TAF3: variants seen among roughly 807,000 people sequenced by gnomAD.
TAF3 encodes the protein transcription initiation factor TFIID subunit 3.
Under a neutral mutation model 80.6 loss-of-function variants are expected in TAF3, and 7 were observed. The observed-to-expected ratio is 0.09, with a 90% CI of 0.05 to 0.16. TAF3 has a LOEUF of 0.16. TAF3 is among the 10% of genes least tolerant of loss of function. TAF3 has a pLI of 1.00. For missense variants in TAF3, 921 were observed against 1,140.2 expected (o/e 0.81, Z 2.77); for synonymous variants, 444 against 446.1 (o/e 1.00, Z 0.06).
chr10:7,881,542 G>T (rs543724963), intron 2 of TAF3, among the ~76,000 whole-genome samples: 2 of 151,244 alleles, frequency 1.3e-5, no homozygotes, highest in South Asian at 4.2e-4. Context: ...ATAAAATTTA[G>T]CAATGAAGCT....
chr10:7,879,019 C>T (rs193251826), intron 2 of TAF3, among the ~76,000 whole-genome samples: 72 of 152,156 alleles, frequency 4.7e-4, no homozygotes, highest in Admixed American at 4.4e-3. Flanking sequence ...TAAGTCACCG[C>T]GCCTGGCAAA....
At chr10:7,965,863 AT>A in intron 3 of TAF3, 121 bp downstream of exon 3, 1 of 1,347,436 alleles carries the variant, frequency 7.4e-7, no homozygotes, top group Non-Finnish European at 9.7e-7. Flanking sequence ...AAGTGGAAAT[AT>A]GTTTATAATG....
In TAF3 at chr10:8,008,152, A is replaced by G. The variant is rs898780859; in HGVS notation, c.2316-926A>G. 8.6e-5 allele frequency among the ~76,000 whole-genome samples: 12 copies of G among 139,920 alleles called. No individual in the cohort carries two copies. The East Asian group carries it at 2.3e-3, about 27-fold the overall frequency. 91.8% of individuals were successfully genotyped at this position (139,920 alleles called of 152,430 possible). On this transcript the variant is annotated intron_variant, in intron 4 of 6. Transcript: ENST00000344293. The stretch of plus-strand genomic sequence containing the variant: ...CACTCTGTAGCCCAAGCTAGAGTGC[A>G]GTGGCGAGATCTCGGCTCACTGTAA...
chr10:7,881,920 T>C (rs1050654461), intron 2 of TAF3, among the ~76,000 whole-genome samples: 36 of 152,326 alleles, frequency 2.4e-4, no homozygotes, highest in Admixed American at 1.0e-3. Context: ...ACTTTATATG[T>C]TGGTGGACTT....
chr10:7,874,697 GT>G (rs901713483), intron 2 of TAF3, among the ~76,000 whole-genome samples: 8 of 93,540 alleles, frequency 8.6e-5, no homozygotes, highest in Admixed American at 1.1e-4. Flanking sequence ...TTTTGTCTTA[GT>G]TTTTTTTTTC....
chr10:7,880,424 G>A (rs1837349995), intron 2 of TAF3, among the ~76,000 whole-genome samples: 1 of 152,138 alleles, frequency 6.6e-6, no homozygotes, highest in Admixed American at 6.6e-5. Context: ...GGGAATTGGT[G>A]GATGTGAGAA....
At chr10:7,984,059 G>T (rs2131423946) in intron 4 of TAF3, among the ~76,000 whole-genome samples, 1 of 152,246 alleles carries the variant, frequency 6.6e-6, no homozygotes, top group African/African-American at 2.4e-5. Context: ...AACAAAGGTT[G>T]TGAGTTTGAT....
chr10:7,935,469 A>G (rs1228246565), intron 2 of TAF3, among the ~76,000 whole-genome samples: 1 of 151,796 alleles, frequency 6.6e-6, no homozygotes, highest in Admixed American at 6.6e-5. Flanking sequence ...CTGTAGTCCC[A>G]GCTACTCAGG....
chr10:8,000,975 CAT>C (rs1387836255), intron 4 of TAF3, among the ~76,000 whole-genome samples: 10 of 152,198 alleles, frequency 6.6e-5, no homozygotes, highest in African/African-American at 2.2e-4. Context: ...TGTGTGCACA[CAT>C]GTGTATCACC....
chr10:7,935,048 C>T (rs756545213), intron 2 of TAF3, among the ~76,000 whole-genome samples: 31 of 152,016 alleles, frequency 2.0e-4, no homozygotes, highest in Middle Eastern at 6.8e-3. Flanking sequence ...AGGCCAAGGA[C>T]GGTGGATCAC....
Position 7,965,682 on chromosome 10 carries a change from GAAAGA to G in TAF3, c.2173_2177del (p.Lys725GlufsTer17). The G allele has an allele frequency of 6.4e-7, 1 of 1,563,522 alleles. No individual in the cohort carries two copies. Among genetic ancestry groups the G allele is most frequent in the Non-Finnish European group, 8.6e-7 (1 of 1,160,186 alleles). Reference sequence around the variant, plus strand: ...AGGAGAAGAAGGAGAAGGAAAGAGAGAAAGAGAAGAGAGAGCGAGAGAAGAGAGAA... The same window carrying G: ...AGGAGAAGAAGGAGAAGGAAAGAGAGGAAGAGAGAGCGAGAGAAGAGAGAA... On this transcript the variant is annotated frameshift_variant, in exon 3 of 7. Coordinates refer to ENST00000344293, the MANE Select transcript of TAF3 (RefSeq NM_031923.4). LOFTEE classifies it high-confidence loss of function.
At chr10:8,002,830 C>A (rs1312948780) in intron 4 of TAF3, among the ~76,000 whole-genome samples, 1 of 152,124 alleles carries the variant, frequency 6.6e-6, no homozygotes, top group African/African-American at 2.4e-5. Flanking sequence ...TCTTACTGTT[C>A]TGTCAGTTTT....
intron 4 of TAF3, among the ~76,000 whole-genome samples, chr10:7,987,121 A>G (rs1261638517): frequency 6.6e-6 from 1 of 152,168 alleles, no homozygotes; most frequent in East Asian, 1.9e-4. Context: ...CAGGAGTTCA[A>G]GACCAGCCTG....
chr10:7,851,367 G>A (rs1004649161), intron 2 of TAF3, among the ~76,000 whole-genome samples: 4 of 152,184 alleles, frequency 2.6e-5, no homozygotes, highest in Admixed American at 2.0e-4. Flanking sequence ...CAGTGTGACT[G>A]GAACAGGGGG....
At position 8,000,490 on chromosome 10, in the gene TAF3, G is replaced by A. The variant is rs976386798; in HGVS notation, c.2316-8588G>A. The stretch of plus-strand genomic sequence containing the variant: ...AAAGGAGAAAAAAGGCATCCACCCA[G>A]CACAGTGGCTTAATGCCTGCAATCT... On this transcript the variant is annotated intron_variant, in intron 4 of 6. Coordinates refer to ENST00000344293, the MANE Select transcript of TAF3 (RefSeq NM_031923.4). Among the ~76,000 whole-genome samples, 4 of 151,924 alleles carry A rather than the reference G, an allele frequency of 2.6e-5. No individual in the cohort carries two copies. In the East Asian group the frequency reaches 7.8e-4, roughly 30 times the overall value.
At chr10:7,947,650 C>T (rs988549759) in intron 2 of TAF3, among the ~76,000 whole-genome samples, 5 of 152,106 alleles carry the variant, frequency 3.3e-5, no homozygotes, top group African/African-American at 1.2e-4. Flanking sequence ...TGGGGAGAAG[C>T]TTGGTGAGTT....
At chr10:7,867,013 C>T (rs1171211841) in intron 2 of TAF3, among the ~76,000 whole-genome samples, 2 of 152,276 alleles carry the variant, frequency 1.3e-5, no homozygotes, top group East Asian at 3.9e-4. Flanking sequence ...AATTCTAGCA[C>T]TTTGGGAGGC....
intron 2 of TAF3, among the ~76,000 whole-genome samples, chr10:7,893,243 T>C (rs1588541613): frequency 1.3e-5 from 2 of 152,332 alleles, no homozygotes; most frequent in East Asian, 1.9e-4. Flanking sequence ...AAAAGAATGA[T>C]GTAAAGCCCT....
At chr10:8,010,391 G>T (rs754587288) in intron 5 of TAF3, among the ~76,000 whole-genome samples, 1 of 152,182 alleles carries the variant, frequency 6.6e-6, no homozygotes, top group Non-Finnish European at 1.5e-5. Flanking sequence ...ACGCATGGTG[G>T]TACTGAAATC....
Sources: allele counts gnomAD v4.1 joint callset (sites outside exome capture counted in the v4.1 genomes callset), GRCh38; gene constraint gnomAD v4.1.1; transcripts MANE v1.5; gene names NCBI Gene and HGNC (gene_info 2026-07-23, HGNC 2026-07-21).